The following MAP2K5 variants were observed in gnomAD, a reference collection of about 807,000 sequenced individuals.
The protein encoded by MAP2K5 is dual specificity mitogen-activated protein kinase kinase 5.
MAP2K5 carries 49 observed loss-of-function variants against 83.1 expected under a neutral mutation model. The observed-to-expected ratio is 0.59, with a 90% CI of 0.47 to 0.75. MAP2K5 has a LOEUF of 0.75. Ranked by LOEUF, MAP2K5 falls within the 30% of genes least tolerant of loss-of-function variation. MAP2K5 has a pLI of 0.00. For synonymous variants in MAP2K5, 202 were observed against 191.8 expected (o/e 1.05, Z -0.44); for missense variants, 457 against 557.5 (o/e 0.82, Z 1.82).
chr15:67,641,218 A>G (rs762332968), intron 9 of MAP2K5, among the ~76,000 whole-genome samples: 25 of 152,220 alleles, frequency 1.6e-4, no homozygotes, highest in Non-Finnish European at 2.8e-4. Context: ...TGTATATTGC[A>G]TGTGCCAATT....
At position 67,770,378 on chromosome 15, in the gene MAP2K5, G is replaced by A. The variant is rs779004022; in HGVS notation, c.1196+715G>A. Among the ~76,000 whole-genome samples the A allele has an allele frequency of 2.0e-5, 3 of 152,000 alleles. No homozygotes were observed. Among genetic ancestry groups the A allele is most frequent in the South Asian group, 2.1e-4 (1 of 4,820 alleles). On this transcript the variant is annotated intron_variant, in intron 20 of 21. Coordinates refer to ENST00000178640, the MANE Select transcript of MAP2K5 (RefSeq NM_145160.3). This position sits in a 1 kb window ranked among gnomAD's most constrained non-coding sequence, Gnocchi z 5.0. ...TTCACCATCATTCCCCTCTTCCCTCGTCCTGCAGGACTCATGTGGCCTTGG... is the reference window on the plus strand; with the variant it reads ...TTCACCATCATTCCCCTCTTCCCTCATCCTGCAGGACTCATGTGGCCTTGG...
chr15:67,609,109 C>G (rs1013391354), intron 8 of MAP2K5, among the ~76,000 whole-genome samples: 2 of 152,170 alleles, frequency 1.3e-5, no homozygotes, highest in Admixed American at 6.5e-5. Flanking sequence ...CCACTTTGAC[C>G]TGGACATGAG....
Position 67,668,869 on chromosome 15 carries a change from A to G in MAP2K5, c.847+4224A>G, listed in dbSNP as rs1294661894. 6.6e-6 allele frequency among the ~76,000 whole-genome samples: 1 copy of G among 151,996 alleles called. No individual in the cohort carries two copies. The highest frequency in any genetic ancestry group is 1.5e-5 in the Non-Finnish European group (1 of 67,968). On this transcript the variant is annotated intron_variant, in intron 13 of 21. Coordinates refer to ENST00000178640, the MANE Select transcript of MAP2K5 (RefSeq NM_145160.3). This position sits in a 1 kb window ranked among gnomAD's most constrained non-coding sequence, Gnocchi z 4.0. ...GTGTGCCAGGAGTTTTTTTGTATAT[A>G]TGAACCTGGTTAGTTTCATTTACTT...
chr15:67,659,086 A>C, intron 12 of MAP2K5: 1 of 238,610 alleles, frequency 4.2e-6, no homozygotes, highest in South Asian at 5.2e-5. Flanking sequence ...CATCAACTAC[A>C]TCTAGAAATT....
chr15:67,727,427 C>T (rs1246117587), intron 16 of MAP2K5, among the ~76,000 whole-genome samples: 1 of 152,148 alleles, frequency 6.6e-6, no homozygotes, highest in Non-Finnish European at 1.5e-5. Flanking sequence ...GATGAAAAAA[C>T]TTTAACAAAT....
chr15:67,773,805 CTT>C lies in MAP2K5; in HGVS notation c.1242+1059_1242+1060del, dbSNP rs571673086. On this transcript the variant is annotated intron_variant, in intron 21 of 21. Transcript: ENST00000178640. ...TTTCATGTCTAGAATAAACTGGTCT[CTT>C]TTTTTGGTCTCTGTGATGGTTGGGA... Among the ~76,000 whole-genome samples, 312 of 152,208 alleles carry C rather than the reference CTT, an allele frequency of 2.0e-3. 2 individuals are homozygous for C. The highest frequency in any genetic ancestry group is 7.2e-3 in the African/African-American group (297 of 41,528).
rs1439627619 is a variant in MAP2K5 at position 67,562,749 on chromosome 15, T to C, written c.185-534T>C. On this transcript the variant is annotated intron_variant, in intron 2 of 21. Transcript: ENST00000178640. The surrounding 1 kb of genome is among the most constrained non-coding windows in gnomAD (Gnocchi z 4.1). ...TGTGGAAAGAGAATAATAATAATGA[T>C]GTTCATGTCGCAGGTTTGTTATGAG... is the stretch of plus-strand genomic sequence containing the variant. Among the ~76,000 whole-genome samples the C allele has an allele frequency of 6.6e-6, 1 of 152,172 alleles. No individual in the cohort carries two copies. The highest frequency in any genetic ancestry group is 6.5e-5 in the Admixed American group (1 of 15,284).
chr15:67,612,721 A>G (rs2085955541), intron 8 of MAP2K5, among the ~76,000 whole-genome samples: 1 of 152,214 alleles, frequency 6.6e-6, no homozygotes, highest in Non-Finnish European at 1.5e-5. Flanking sequence ...CCAGCCTGAC[A>G]AAAGCCATTT....
chr15:67,583,744 C>CATAT (rs1555528789), intron 4 of MAP2K5, among the ~76,000 whole-genome samples: 1 of 147,836 alleles, frequency 6.8e-6, no homozygotes, highest in African/African-American at 2.5e-5. Flanking sequence ...TGATTGTTTC[C>CATAT]TTATTTATTT....
At chr15:67,592,066 G>A (rs62015157) in intron 6 of MAP2K5, among the ~76,000 whole-genome samples, 2,326 of 125,712 alleles carry the variant, frequency 0.019, 36 homozygotes, top group African/African-American at 0.041. Context: ...AGCCGAGATC[G>A]CACCATTGTA....
At chr15:67,582,225 C>T (rs2085194710) in intron 4 of MAP2K5, among the ~76,000 whole-genome samples, 1 of 151,988 alleles carries the variant, frequency 6.6e-6, no homozygotes, top group East Asian at 1.9e-4. Flanking sequence ...CCACACCCAG[C>T]TAATTTTTGT....
rs1278367288 is a variant in MAP2K5, at chr15:67,777,116, T to C, written c.1242+4364T>C. ...TAGAGTTACTTGGCCAGGAGCTGAC[T>C]GTAGGGAGGGAAGTGTTCACTCAGC... On this transcript the variant is annotated intron_variant, in intron 21 of 21. Transcript: ENST00000178640. This position sits in a 1 kb window ranked among gnomAD's most constrained non-coding sequence, Gnocchi z 6.0. Among the ~76,000 whole-genome samples the C allele has an allele frequency of 1.3e-5, 2 of 152,158 alleles. No individual in the cohort carries two copies. Among genetic ancestry groups the C allele is most frequent in the Non-Finnish European group, 2.9e-5 (2 of 68,008 alleles).
chr15:67,740,043 A>G (rs1157842506), intron 17 of MAP2K5, among the ~76,000 whole-genome samples: 1 of 152,188 alleles, frequency 6.6e-6, no homozygotes, highest in Non-Finnish European at 1.5e-5. Flanking sequence ...GCAAAACTCC[A>G]GAGACTTGTA....
intron 15 of MAP2K5, among the ~76,000 whole-genome samples, chr15:67,699,694 A>G (rs930559507): frequency 6.6e-6 from 1 of 152,168 alleles, no homozygotes; most frequent in Non-Finnish European, 1.5e-5. Context: ...ACACAAGAAA[A>G]CAAAGCCACC....
chr15:67,761,070 A>C (rs1355496113), intron 19 of MAP2K5, among the ~76,000 whole-genome samples: 1 of 152,102 alleles, frequency 6.6e-6, no homozygotes, highest in Non-Finnish European at 1.5e-5. Context: ...TGGAGGCAGC[A>C]TTCCAGGGAG....
intron 6 of MAP2K5, among the ~76,000 whole-genome samples, chr15:67,591,997 G>A (rs1477925232): frequency 2.0e-5 from 3 of 151,372 alleles, no homozygotes; most frequent in Non-Finnish European, 2.9e-5. Flanking sequence ...TATAATCCCA[G>A]GTACTCTGGA....
At chr15:67,716,794 G>A (rs2088836486) in intron 16 of MAP2K5, among the ~76,000 whole-genome samples, 1 of 152,126 alleles carries the variant, frequency 6.6e-6, no homozygotes, top group South Asian at 2.1e-4. Flanking sequence ...ATTCTAACAA[G>A]AAGGGTGACA....
chr15:67,733,965 A>T (rs374305355), intron 17 of MAP2K5, among the ~76,000 whole-genome samples: 1 of 152,252 alleles, frequency 6.6e-6, no homozygotes. Flanking sequence ...CATTTGCTTC[A>T]GAACCTCCTG....
intron 8 of MAP2K5, among the ~76,000 whole-genome samples, chr15:67,624,036 T>A (rs1301973865): frequency 1.3e-5 from 2 of 151,686 alleles, no homozygotes; most frequent in African/African-American, 4.8e-5. Flanking sequence ...CAGGTTCACA[T>A]GTTTAAGACG....
Sources: allele counts gnomAD v4.1 joint callset (sites outside exome capture counted in the v4.1 genomes callset), GRCh38; gene constraint gnomAD v4.1.1; non-coding constraint Gnocchi (gnomAD v3.1); transcripts MANE v1.5; gene names NCBI Gene and HGNC (gene_info 2026-07-23, HGNC 2026-07-21).